Variants in MATCAP1 observed in about 807,000 individuals in gnomAD.
The protein encoded by MATCAP1 is microtubule associated tyrosine carboxypeptidase 1, also known as microtubule-associated tyrosine carboxypeptidase 1.
the MATCAP1 span, chr16:67,178,146 C>T: frequency 1.4e-6 from 2 of 1,454,904 alleles, no homozygotes; most frequent in Non-Finnish European, 1.8e-6. Context: ...GCCCCTCGCC[C>T]GAAGCCCCGC....
chr16:67,183,919 G>A, the MATCAP1 span: 1 of 195,820 alleles, frequency 5.1e-6, no homozygotes, highest in South Asian at 7.3e-5. Context: ...CTGCTACACC[G>A]GCCACCGGAC....
chr16:67,179,805 G>A, the MATCAP1 span: 1 of 1,613,864 alleles, frequency 6.2e-7, no homozygotes, highest in Non-Finnish European at 8.5e-7. The surrounding 1 kb of genome is among the most constrained non-coding windows in gnomAD (Gnocchi z 5.2). Flanking sequence ...GGCTCTGCAG[G>A]CAAGCTCACC....
chr16:67,178,392 G>T, the MATCAP1 span: 1 of 1,550,518 alleles, frequency 6.4e-7, no homozygotes, highest in South Asian at 1.2e-5. Context: ...CGCTGTGCAG[G>T]CTGGCCAGGC....
chr16:67,177,368 C>G, the MATCAP1 span, among the ~76,000 whole-genome samples: 1 of 152,178 alleles, frequency 6.6e-6, no homozygotes, highest in Non-Finnish European at 1.5e-5. Context: ...AGGTCAGATT[C>G]CCGGGAGGGG....
the MATCAP1 span, among the ~76,000 whole-genome samples, chr16:67,182,886 C>T: frequency 6.6e-6 from 1 of 152,180 alleles, no homozygotes; most frequent in Non-Finnish European, 1.5e-5. Flanking sequence ...CTGGAGTGTA[C>T]TTCAGTACAG....
the MATCAP1 span, chr16:67,176,074 TGTGTGTG>T: frequency 7.8e-6 from 1 of 127,488 alleles, no homozygotes; most frequent in Non-Finnish European, 1.7e-5. The surrounding 1 kb of genome is among the most constrained non-coding windows in gnomAD (Gnocchi z 4.3). Context: ...TGTGTGTGTG[TGTGTGTG>T]TGTGTGTGTG....
At chr16:67,177,761 G>C in the MATCAP1 span, among the ~76,000 whole-genome samples, 1 of 152,152 alleles carries the variant, frequency 6.6e-6, no homozygotes, top group African/African-American at 2.4e-5. Context: ...TGGCCTTCCT[G>C]ATCACTCCCT....
At chr16:67,177,145 T>G in the MATCAP1 span, among the ~76,000 whole-genome samples, 1 of 152,180 alleles carries the variant, frequency 6.6e-6, no homozygotes, top group African/African-American at 2.4e-5. Context: ...ATCCTTCATC[T>G]TTGCCCTTTC....
At chr16:67,179,234 A>G in the MATCAP1 span, 14 of 1,415,950 alleles carry the variant, frequency 9.9e-6, no homozygotes, top group East Asian at 2.8e-4. The surrounding 1 kb of genome is among the most constrained non-coding windows in gnomAD (Gnocchi z 5.2). Context: ...GCGAGCCCAG[A>G]GCATGGGCAG....
chr16:67,178,725 A>G, the MATCAP1 span: 2 of 697,700 alleles, frequency 2.9e-6, no homozygotes, highest in Non-Finnish European at 5.2e-6. Context: ...GCTCACATAC[A>G]TGAATCCTCT....
the MATCAP1 span, chr16:67,176,153 C>T: frequency 6.8e-6 from 1 of 147,192 alleles, no homozygotes; most frequent in African/African-American, 2.6e-5. This position sits in a 1 kb window ranked among gnomAD's most constrained non-coding sequence, Gnocchi z 4.3. Flanking sequence ...TTGGTGCCTT[C>T]CAAGAAGGAG....
chr16:67,178,235 G>C, the MATCAP1 span: 1 of 1,547,102 alleles, frequency 6.5e-7, no homozygotes, highest in Non-Finnish European at 8.7e-7. Context: ...CGCTTGGCGC[G>C]CACGCAGTAC....
At chr16:67,176,845 T>G in the MATCAP1 span, 1 of 1,607,598 alleles carries the variant, frequency 6.2e-7, no homozygotes, top group Non-Finnish European at 8.5e-7. The surrounding 1 kb of genome is among the most constrained non-coding windows in gnomAD (Gnocchi z 4.3). Context: ...CTCCGCCTCA[T>G]CCAGCCGGTT....
chr16:67,176,885 G>A, the MATCAP1 span: 14 of 1,610,130 alleles, frequency 8.7e-6, no homozygotes, highest in Admixed American at 1.2e-4. This position sits in a 1 kb window ranked among gnomAD's most constrained non-coding sequence, Gnocchi z 4.3. Flanking sequence ...AGCTGCTGCC[G>A]GTAGCGTGCC....
At chr16:67,181,549 A>C in the MATCAP1 span, 1 of 152,120 alleles carries the variant, frequency 6.6e-6, no homozygotes, top group Admixed American at 6.5e-5. Context: ...AACCCTCCCC[A>C]GAGACTACCT....
chr16:67,177,894 C>G, the MATCAP1 span: 1 of 861,732 alleles, frequency 1.2e-6, no homozygotes, highest in Non-Finnish European at 1.9e-6. Flanking sequence ...CCACGCTCCC[C>G]CCTACCACCA....
chr16:67,181,543 C>A, the MATCAP1 span: 2 of 152,386 alleles, frequency 1.3e-5, no homozygotes, highest in East Asian at 3.9e-4. Context: ...AATCCCAACC[C>A]TCCCCAGAGA....
At chr16:67,179,645 G>T in the MATCAP1 span, 1 of 1,494,966 alleles carries the variant, frequency 6.7e-7, no homozygotes. The surrounding 1 kb of genome is among the most constrained non-coding windows in gnomAD (Gnocchi z 5.2). Flanking sequence ...AGGGCAGCGA[G>T]GCCAGACAAT....
chr16:67,178,686 T>C, the MATCAP1 span: 1 of 713,072 alleles, frequency 1.4e-6, no homozygotes. Flanking sequence ...CTCCTCCTCC[T>C]GTGGACTCGC....
Sources: allele counts gnomAD v4.1 joint callset (sites outside exome capture counted in the v4.1 genomes callset), GRCh38; gene constraint gnomAD v4.1.1; non-coding constraint Gnocchi (gnomAD v3.1); transcripts MANE v1.5; gene names NCBI Gene and HGNC (gene_info 2026-07-23, HGNC 2026-07-21).